The following FBXL2 variants were observed in gnomAD, a reference collection of about 807,000 sequenced individuals.
FBXL2 encodes the protein F-box/LRR-repeat protein 2.
A neutral mutation model predicts 69.2 loss-of-function variants in FBXL2; 38 were observed. That is an observed-to-expected ratio of 0.55 (90% CI 0.42 to 0.72). The LOEUF (loss-of-function observed/expected upper bound fraction) is 0.72, where lower values mean the gene tolerates loss of function less well. FBXL2 is among the 30% of genes least tolerant of loss of function. FBXL2 has a pLI of 0.00. For missense variants in FBXL2, 354 were observed against 520.3 expected, an observed-to-expected ratio of 0.68 and a Z score of 3.11; for synonymous variants, 192 against 201.3, an observed-to-expected ratio of 0.95 and a Z score of 0.39.
At chr3:33,393,092 G>C (rs986826035), downstream of FBXL2, 1 of 483,102 alleles carries the variant, frequency 2.1e-6, no homozygotes, top group African/African-American at 2.0e-5. Context: ...CTAAAGGGCT[G>C]GGGGGAGGCT....
At chr3:33,281,301 T>C (rs555562750) in intron 1 of FBXL2, among the ~76,000 whole-genome samples, 2 of 152,282 alleles carry the variant, frequency 1.3e-5, no homozygotes, top group South Asian at 2.1e-4. Context: ...GGTGTTTGGT[T>C]TTCTGTCCTT....
At chr3:33,392,313 C>T (rs944123355), downstream of FBXL2, 2 of 396,916 alleles carry the variant, frequency 5.0e-6, no homozygotes, top group Non-Finnish European at 8.9e-6. Flanking sequence ...CGGTGTCTGA[C>T]ACAAAGTGCT....
chr3:33,380,613 C>T (rs1452637721), intron 13 of FBXL2, among the ~76,000 whole-genome samples: 1 of 151,414 alleles, frequency 6.6e-6, no homozygotes, highest in Non-Finnish European at 1.5e-5. Flanking sequence ...TTGCCATGTT[C>T]CCTACACAGG....
chr3:33,277,278 G>A, upstream of FBXL2: 2 of 395,318 alleles, frequency 5.1e-6, no homozygotes, highest in Non-Finnish European at 4.5e-6. Context: ...AGACTGAGAG[G>A]ATGGACCAGA....
chr3:33,285,677 C>T (rs893283993), intron 1 of FBXL2, among the ~76,000 whole-genome samples: 1 of 152,182 alleles, frequency 6.6e-6, no homozygotes, highest in African/African-American at 2.4e-5. Context: ...TTCAGGTACA[C>T]CAATCAGACG....
intron 2 of FBXL2, among the ~76,000 whole-genome samples, chr3:33,304,406 GTA>G (rs1032068999): frequency 6.6e-5 from 10 of 151,990 alleles, no homozygotes; most frequent in African/African-American, 2.2e-4. Flanking sequence ...CGTAAAAAAA[GTA>G]TATGGTATAT....
intron 1 of FBXL2, chr3:33,289,644 TG>T: frequency 2.4e-6 from 1 of 424,338 alleles, no homozygotes; most frequent in Non-Finnish European, 3.2e-6. Context: ...GCACATAGGC[TG>T]GAGTGACAGT....
chr3:33,364,073 C>CT (rs1290127636), intron 4 of FBXL2, among the ~76,000 whole-genome samples: 1 of 152,174 alleles, frequency 6.6e-6, no homozygotes, highest in Non-Finnish European at 1.5e-5. Flanking sequence ...TTTGCTTCCT[C>CT]TAATATCTCT....
At chr3:33,413,335 AG>A in the FBXL2 span, among the ~76,000 whole-genome samples, 57,240 of 151,422 alleles carry the variant, frequency 0.38, 11,743 homozygotes, top group East Asian at 0.6. Flanking sequence ...TCACGAGGTC[AG>A]GGAGATTGGG....
intron 1 of FBXL2, among the ~76,000 whole-genome samples, chr3:33,286,624 C>G (rs2034645943): frequency 6.6e-6 from 1 of 152,248 alleles, no homozygotes; most frequent in Admixed American, 6.5e-5. Flanking sequence ...CAGCTGTGCC[C>G]TGCCCCCAGA....
chr3:33,281,306 G>A (rs573484111), intron 1 of FBXL2, among the ~76,000 whole-genome samples: 6 of 151,798 alleles, frequency 4.0e-5, no homozygotes, highest in South Asian at 2.1e-4. Context: ...TTGGTTTTCT[G>A]TCCTTGTGAT....
At chr3:33,342,068 G>T (rs2040069581) in intron 2 of FBXL2, among the ~76,000 whole-genome samples, 1 of 137,148 alleles carries the variant, frequency 7.3e-6, no homozygotes. Context: ...GCAGTGGCAC[G>T]ATCTCGGCTC....
At chr3:33,410,244 G>A in the FBXL2 span, among the ~76,000 whole-genome samples, 2 of 152,194 alleles carry the variant, frequency 1.3e-5, no homozygotes, top group African/African-American at 2.4e-5. Context: ...CTGGATGACA[G>A]CCTTAGGGTT....
chr3:33,358,767 C>T (rs536130652), intron 2 of FBXL2, among the ~76,000 whole-genome samples, 200 bp from the exon 3 acceptor site: 1 of 152,192 alleles, frequency 6.6e-6, no homozygotes, highest in Non-Finnish European at 1.5e-5. Context: ...TATTGTGTGT[C>T]CAAAATAGCT....
intron 12 of FBXL2, chr3:33,401,109 A>G (rs113442095): frequency 8.2e-7 from 1 of 1,218,386 alleles, no homozygotes; most frequent in African/African-American, 1.6e-5. Context: ...GTAACTATGC[A>G]AATTTCAAGT....
rs1575445117 is a variant in FBXL2 at position 33,393,104 on chromosome 3, A to G, written n.1214+7376A>G. The G allele has an allele frequency of 1.1e-5, 6 of 534,746 alleles. No homozygotes were observed. The East Asian group carries it at 2.0e-4, about 18-fold the overall frequency. 33.1% of individuals were successfully genotyped at this position (534,746 alleles called of 1,614,324 possible). A position where few individuals can be genotyped will look rare whatever the true frequency, so the allele number is the denominator to read the frequency against. On this transcript the variant is annotated intron_variant and non_coding_transcript_variant, in intron 12 of 12. Transcript: ENST00000463736. Reference sequence around the variant, plus strand: ...ATCCTAAAGGGCTGGGGGGAGGCTAAGCCAGTTTTCCTTGGCTTGTATTCC... The same window carrying G: ...ATCCTAAAGGGCTGGGGGGAGGCTAGGCCAGTTTTCCTTGGCTTGTATTCC...
At position 33,373,266 on chromosome 3, in the gene FBXL2, T is replaced by TTA; in HGVS notation, c.369_370dup (p.Ser124IlefsTer10). ...TGCGTCTGCTCTTTTTCAGCACGTGTTATAGCCTTAGCAGATTCTGTTCCA... is the reference window on the plus strand; with the variant it reads ...TGCGTCTGCTCTTTTTCAGCACGTGTTATATAGCCTTAGCAGATTCTGTTCCA... On this transcript the variant is annotated frameshift_variant, in exon 7 of 15. Transcript: ENST00000484457. LOFTEE classifies it high-confidence loss of function. The TTA allele has an allele frequency of 1.9e-6, 3 of 1,614,080 alleles. No individual in the cohort carries two copies. The highest frequency in any genetic ancestry group is 2.5e-6 in the Non-Finnish European group (3 of 1,179,934).
intron 2 of FBXL2, among the ~76,000 whole-genome samples, chr3:33,339,175 A>G (rs1446768535): frequency 6.6e-6 from 1 of 152,272 alleles, no homozygotes; most frequent in Non-Finnish European, 1.5e-5. Context: ...AGAATATGAA[A>G]AAAAGCCCAA....
At chr3:33,320,892 TGAAAG>T (rs2038143406) in intron 2 of FBXL2, among the ~76,000 whole-genome samples, 1 of 152,008 alleles carries the variant, frequency 6.6e-6, no homozygotes. Context: ...CCCTGAAAAT[TGAAAG>T]GAAAGCCACA....
Sources: allele counts gnomAD v4.1 joint callset (sites outside exome capture counted in the v4.1 genomes callset), GRCh38; gene constraint gnomAD v4.1.1; transcripts MANE v1.5; gene names NCBI Gene and HGNC (gene_info 2026-07-23, HGNC 2026-07-21).